PPARGC1A: variants seen among roughly 807,000 people sequenced by gnomAD.
The protein encoded by PPARGC1A is peroxisome proliferator-activated receptor gamma coactivator 1-alpha.
In PPARGC1A, 25 loss-of-function variants were observed where a neutral mutation model predicts 88.7. The ratio of observed to expected loss-of-function variants is 0.28; its 90% CI spans 0.21 to 0.39. The LOEUF (loss-of-function observed/expected upper bound fraction) is 0.39. Ranked by LOEUF, PPARGC1A falls within the 10% of genes least tolerant of loss-of-function variation. The pLI is 1.00. For synonymous variants in PPARGC1A, 363 were observed against 355.6 expected (o/e 1.02, Z -0.24); for missense variants, 880 against 968.7 (o/e 0.91, Z 1.22).
chr4:24,125,828 G>A, the PPARGC1A span, among the ~76,000 whole-genome samples: 1 of 152,156 alleles, frequency 6.6e-6, no homozygotes, highest in Non-Finnish European at 1.5e-5. Context: ...CAAGGAATGT[G>A]GCTCACATAT....
the PPARGC1A span, among the ~76,000 whole-genome samples, chr4:24,141,302 CAG>C: frequency 3.9e-5 from 6 of 152,258 alleles, no homozygotes; most frequent in Admixed American, 6.5e-5. Flanking sequence ...CCTGCCTACG[CAG>C]AGTTTGCCCA....
chr4:24,355,009 G>A, the PPARGC1A span, among the ~76,000 whole-genome samples: 1 of 152,154 alleles, frequency 6.6e-6, no homozygotes, highest in Admixed American at 6.5e-5. Context: ...AAATTGTTTA[G>A]GTGATCTGCC....
the PPARGC1A span, among the ~76,000 whole-genome samples, chr4:24,123,628 A>G: frequency 6.6e-5 from 10 of 152,164 alleles, no homozygotes; most frequent in South Asian, 2.1e-4. Flanking sequence ...CTGAGGTCCA[A>G]TGGGGGAACC....
At chr4:24,036,433 A>T in the PPARGC1A span, among the ~76,000 whole-genome samples, 1 of 152,118 alleles carries the variant, frequency 6.6e-6, no homozygotes, top group African/African-American at 2.4e-5. Context: ...ACCGAAGCTC[A>T]TGTATGAACA....
chr4:24,246,659 C>T, the PPARGC1A span, among the ~76,000 whole-genome samples: 10 of 152,090 alleles, frequency 6.6e-5, no homozygotes, highest in African/African-American at 2.4e-4. Flanking sequence ...TATTTGTAAA[C>T]AAATTTGGGG....
the PPARGC1A span, among the ~76,000 whole-genome samples, chr4:24,192,931 A>T: frequency 1.3e-5 from 2 of 152,262 alleles, no homozygotes; most frequent in African/African-American, 4.8e-5. Context: ...ATCTATTATC[A>T]TTCAATATAA....
the PPARGC1A span, among the ~76,000 whole-genome samples, chr4:24,160,672 C>T: frequency 1.3e-5 from 2 of 152,286 alleles, no homozygotes; most frequent in East Asian, 3.9e-4. Flanking sequence ...AAATGTGTTT[C>T]CTTATATATT....
chr4:24,164,273 C>T, the PPARGC1A span, among the ~76,000 whole-genome samples: 1 of 152,120 alleles, frequency 6.6e-6, no homozygotes, highest in Non-Finnish European at 1.5e-5. Context: ...GAAGCAAACC[C>T]TCAGAGTCAT....
chr4:24,318,703 A>T, the PPARGC1A span, among the ~76,000 whole-genome samples: 1 of 152,252 alleles, frequency 6.6e-6, no homozygotes, highest in Non-Finnish European at 1.5e-5. Context: ...TTTGTCTCTG[A>T]TATTATCAGA....
chr4:23,968,317 C>A, the PPARGC1A span, among the ~76,000 whole-genome samples: 1 of 152,176 alleles, frequency 6.6e-6, no homozygotes, highest in African/African-American at 2.4e-5. Context: ...GGCTTGCAGT[C>A]TTGTCACTAT....
intron 1 of PPARGC1A, among the ~76,000 whole-genome samples, chr4:23,895,740 A>T (rs771450788): frequency 6.6e-6 from 1 of 152,108 alleles, no homozygotes; most frequent in Non-Finnish European, 1.5e-5. Flanking sequence ...AGCAGGCAAT[A>T]TATATTCAAA....
upstream of PPARGC1A, among the ~76,000 whole-genome samples, chr4:23,907,821 A>G (rs1425290654): frequency 2.0e-5 from 3 of 152,182 alleles, no homozygotes; most frequent in Admixed American, 1.3e-4. Context: ...AAATGCACAC[A>G]TTAAGATTTC....
intron 12 of PPARGC1A, among the ~76,000 whole-genome samples, chr4:23,796,131 C>T (rs973072662): frequency 6.6e-6 from 1 of 152,060 alleles, no homozygotes; most frequent in African/African-American, 2.4e-5. Flanking sequence ...CCTGTTGACT[C>T]GTTTAGGCTT....
chr4:24,207,849 A>G, the PPARGC1A span, among the ~76,000 whole-genome samples: 4 of 152,236 alleles, frequency 2.6e-5, no homozygotes, highest in Admixed American at 2.6e-4. Context: ...AAGAAATAGA[A>G]TTCAGGAAAA....
chr4:23,829,622 A>C (rs750610488), intron 3 of PPARGC1A, 37 bp from the exon 4 acceptor site: 1 of 1,589,382 alleles, frequency 6.3e-7, no homozygotes. Flanking sequence ...AAGCAAGTAA[A>C]GTTATGCATC....
At chr4:24,423,883 C>G in the PPARGC1A span, among the ~76,000 whole-genome samples, 2 of 152,218 alleles carry the variant, frequency 1.3e-5, no homozygotes. Context: ...CTTGGCTCAA[C>G]TAGACACATA....
At chr4:23,915,884 CA>C in the PPARGC1A span, among the ~76,000 whole-genome samples, 1 of 152,298 alleles carries the variant, frequency 6.6e-6, no homozygotes, top group South Asian at 2.1e-4. Context: ...GATCTAAGTT[CA>C]GCTCCTAAGG....
the PPARGC1A span, among the ~76,000 whole-genome samples, chr4:23,936,244 C>T: frequency 5.9e-5 from 9 of 152,050 alleles, no homozygotes; most frequent in Non-Finnish European, 8.8e-5. Context: ...TCTAATACCC[C>T]GAAAATGCAT....
chr4:24,224,675 G>A, the PPARGC1A span, among the ~76,000 whole-genome samples: 2 of 152,164 alleles, frequency 1.3e-5, no homozygotes, highest in Admixed American at 6.5e-5. Flanking sequence ...TGGTGCAAAT[G>A]GGGGCAAAGT....
Sources: gnomAD v4.1 joint callset for allele counts (sites outside exome capture counted in the v4.1 genomes callset) on GRCh38, gnomAD v4.1.1 for gene constraint, MANE v1.5 for transcripts, NCBI Gene and HGNC (gene_info 2026-07-23, HGNC 2026-07-21) for gene names.